TRMT13: variants seen among roughly 807,000 people sequenced by gnomAD.
TRMT13 encodes the protein tRNA methyltransferase 13.
Under a neutral mutation model 55.9 loss-of-function variants are expected in TRMT13, and 45 were observed. The ratio of observed to expected loss-of-function variants is 0.80; its 90% CI spans 0.63 to 1.03. The LOEUF is 1.03. Ranked by LOEUF, TRMT13 falls within the 50% of genes least tolerant of loss-of-function variation. The pLI is 0.00. For missense variants in TRMT13, 513 were observed against 563.9 expected (o/e 0.91, Z 0.91); for synonymous variants, 183 against 196.3 (o/e 0.93, Z 0.57).
chr1:100,148,338 C>T lies in TRMT13; in HGVS notation c.1250+12C>T, dbSNP rs78140331. The T allele has an allele frequency of 2.7e-4, 427 of 1,607,478 alleles. 6 individuals carry two copies. In the East Asian group the frequency reaches 9.5e-3, roughly 36 times the overall value. On this transcript the variant is annotated intron_variant, in intron 10 of 10. Transcript: ENST00000370141. ...GATTGTTTGCCTGGGTAAGAGACTA[C>T]TTTTGTAATGCATGATACTAAAGGA...
intron 8 of TRMT13, among the ~76,000 whole-genome samples, chr1:100,143,631 T>C (rs1014816826): frequency 2.0e-5 from 3 of 152,146 alleles, no homozygotes; most frequent in Admixed American, 2.0e-4. Context: ...TTTTAAATTG[T>C]ACAAAAGAAG....
At chr1:100,143,983 G>T in intron 8 of TRMT13, 86 bp from the exon 9 acceptor site, 1 of 1,132,750 alleles carries the variant, frequency 8.8e-7, no homozygotes, top group Admixed American at 2.1e-5. Context: ...CTAAAATTCA[G>T]AGACTCTAAT....
At position 100,147,990 on chromosome 1, in the gene TRMT13, A is replaced by G; in HGVS notation, c.914A>G (p.Glu305Gly). The G allele has an allele frequency of 1.2e-6, 2 of 1,614,180 alleles. No individual in the cohort carries two copies. Among genetic ancestry groups the G allele is most frequent in the Non-Finnish European group, 1.7e-6 (2 of 1,180,036 alleles). Residue 305 changes from glutamate to glycine, a missense_variant, in exon 10 of 11, where the codon GAA becomes GGA. This residue lies in a region of TRMT13 where 209 missense variants were observed against 255.8 expected (regional missense o/e 0.82). Coordinates refer to ENST00000370141, the MANE Select transcript of TRMT13 (RefSeq NM_019083.3). ...LAKRIKNDKT[E>G]KEIYTLAKEG... ...AAACGCATAAAGAATGATAAAACAG[A>G]AAAAGAAATTTACACTTTGGCCAAG...
chr1:100,137,386 G>A (rs1283954254), intron 3 of TRMT13, among the ~76,000 whole-genome samples: 7 of 151,876 alleles, frequency 4.6e-5, no homozygotes, highest in Non-Finnish European at 1.0e-4. Flanking sequence ...TTATAGAGAC[G>A]GGGTTCTCGC....
At chr1:100,144,026 G>T (rs1438788388) in intron 8 of TRMT13, 43 bp from the exon 9 acceptor site, 1 of 1,511,054 alleles carries the variant, frequency 6.6e-7, no homozygotes, top group Non-Finnish European at 9.2e-7. Context: ...ACATTAATAT[G>T]TACTTTATTT....
chr1:100,147,852 A>C (rs764636752), intron 9 of TRMT13, 42 bp from the exon 10 acceptor site: 1 of 1,515,926 alleles, frequency 6.6e-7, no homozygotes, highest in Admixed American at 2.2e-5. Context: ...TTTATTTTTA[A>C]AGATGATGTG....
chr1:100,142,053 T>C (rs1029115340), intron 7 of TRMT13, among the ~76,000 whole-genome samples: 5 of 152,176 alleles, frequency 3.3e-5, no homozygotes, highest in Non-Finnish European at 7.4e-5. Context: ...GGGGATACAA[T>C]AGAAAAAAGA....
At position 100,136,528 on chromosome 1, in the gene TRMT13, T is replaced by A. The variant is rs997156823; in HGVS notation, c.148-354T>A. Among the ~76,000 whole-genome samples, 4 of 152,328 alleles carry A rather than the reference T, an allele frequency of 2.6e-5. No individual in the cohort carries two copies. In the East Asian group the frequency reaches 7.7e-4, roughly 29 times the overall value. ...ATAAATATATACAACTATTTGTCAA[T>A]TAACATGAAATAGGCAGCATTTTTT... On this transcript the variant is annotated intron_variant, in intron 1 of 10. Coordinates refer to ENST00000370141, the MANE Select transcript of TRMT13 (RefSeq NM_019083.3).
Position 100,142,945 on chromosome 1 carries a change from T to C in TRMT13, c.670-192T>C, listed in dbSNP as rs41301086. 1,885 of 548,748 alleles carry C rather than the reference T, an allele frequency of 3.4e-3. 5 individuals carry two copies. The highest frequency in any genetic ancestry group is 5.1e-3 in the Non-Finnish European group (1,598 of 312,796). The allele number at this position is 548,748 out of a possible 1,614,324, so 34.0% of individuals were successfully genotyped here. ...GTTAAAGGAAATAATGTCTATGTAA[T>C]AATTGATAAACATTTTCAAATCTTT... is the stretch of plus-strand genomic sequence containing the variant. On this transcript the variant is annotated intron_variant, in intron 7 of 10. Transcript: ENST00000370141.
At chr1:100,137,439 A>T (rs1199539479) in intron 3 of TRMT13, among the ~76,000 whole-genome samples, 1 of 151,954 alleles carries the variant, frequency 6.6e-6, no homozygotes, top group African/African-American at 2.4e-5. Flanking sequence ...GTCAAGCAGT[A>T]CTCCTGCCTC....
At position 100,149,185 on chromosome 1, in the gene TRMT13, A is replaced by G; in HGVS notation, c.*365A>G. 1.3e-6 allele frequency: 2 copies of G among 1,521,086 alleles called. No homozygotes were observed. Among genetic ancestry groups the G allele is most frequent in the East Asian group, 2.5e-5 (1 of 40,790 alleles). 94.2% of individuals were successfully genotyped at this position (1,521,086 alleles called of 1,614,324 possible). A position where few individuals can be genotyped will look rare whatever the true frequency, so the allele number is the denominator to read the frequency against. ...ATTTATCTTCCTTTGATTTTATTTA[A>G]TATTTTTTATTTCTTAAGTTCAAGA... On this transcript the variant is annotated 3_prime_UTR_variant, in exon 11 of 11. Coordinates refer to ENST00000370141, the MANE Select transcript of TRMT13 (RefSeq NM_019083.3).
intron 1 of TRMT13, among the ~76,000 whole-genome samples, chr1:100,134,084 AAT>A: frequency 6.6e-6 from 1 of 152,072 alleles, no homozygotes. Context: ...AAGAAAAAAA[AAT>A]TTTTTTCGAC....
intron 10 of TRMT13, 105 bp downstream of exon 10, chr1:100,148,431 C>T: frequency 7.8e-7 from 1 of 1,275,002 alleles, no homozygotes; most frequent in Non-Finnish European, 1.1e-6. Flanking sequence ...ATTTTATAAT[C>T]TAATTTTAGA....
At chr1:100,147,869 G>C (rs377433448) in intron 9 of TRMT13, 25 bp from the exon 10 acceptor site, 8 of 1,556,650 alleles carry the variant, frequency 5.1e-6, no homozygotes. Flanking sequence ...TGTGGTTTGG[G>C]GGGGCCACAT....
In TRMT13 at chr1:100,143,224, T is replaced by C. The variant is rs775396068; in HGVS notation, c.742+15T>C. 2.0e-6 allele frequency: 3 copies of C among 1,535,834 alleles called. No individual in the cohort carries two copies. The highest frequency in any genetic ancestry group is 2.7e-5 in the African/African-American group (2 of 73,238). ...CTTGTGTTTGAGTAAGTTGTGTAAC[T>C]TTCCATTGGTCTACAAATAAATCAT... On this transcript the variant is annotated intron_variant, in intron 8 of 10. Coordinates refer to ENST00000370141, the MANE Select transcript of TRMT13 (RefSeq NM_019083.3).
At position 100,149,496 on chromosome 1, in the gene TRMT13, G is replaced by A; in HGVS notation, c.*676G>A. On this transcript the variant is annotated 3_prime_UTR_variant, in exon 11 of 11. Coordinates refer to ENST00000370141, the MANE Select transcript of TRMT13 (RefSeq NM_019083.3). Reference sequence around the variant, plus strand: ...ATTTTGTTGGATAATTGTCTAGTTAGAACTTCCAAAAAGATACTTACAAAC... The same window carrying A: ...ATTTTGTTGGATAATTGTCTAGTTAAAACTTCCAAAAAGATACTTACAAAC... 3 of 1,449,050 alleles carry A rather than the reference G, an allele frequency of 2.1e-6. No homozygotes were observed. Among genetic ancestry groups the A allele is most frequent in the Non-Finnish European group, 2.8e-6 (3 of 1,079,298 alleles). The allele number at this position is 1,449,050 out of a possible 1,614,324, so 89.8% of individuals were successfully genotyped here. A position where few individuals can be genotyped will look rare whatever the true frequency, so the allele number is the denominator to read the frequency against.
At chr1:100,139,887 C>T (rs1197532673) in intron 4 of TRMT13, among the ~76,000 whole-genome samples, 176 bp downstream of exon 4, 1 of 152,144 alleles carries the variant, frequency 6.6e-6, no homozygotes, top group East Asian at 1.9e-4. Context: ...AGCTCATGCC[C>T]CATAACAAAA....
chr1:100,149,034 G>T lies in TRMT13; in HGVS notation c.*214G>T. 2 of 1,570,714 alleles carry T rather than the reference G, an allele frequency of 1.3e-6. No individual in the cohort carries two copies. Among genetic ancestry groups the T allele is most frequent in the South Asian group, 1.2e-5 (1 of 81,606 alleles). ...GTAATCCTCTTTAGAAGGGCATCTT[G>T]AATTATATTATCCATCCGTATTTAT... On this transcript the variant is annotated 3_prime_UTR_variant, in exon 11 of 11. Coordinates refer to ENST00000370141, the MANE Select transcript of TRMT13 (RefSeq NM_019083.3).
In TRMT13 at chr1:100,133,236, T is replaced by C. The variant is rs1570720331; in HGVS notation, c.68T>C (p.Val23Ala). 2 of 1,613,930 alleles carry C rather than the reference T, an allele frequency of 1.2e-6. No individual in the cohort carries two copies. The highest frequency in any genetic ancestry group is 1.3e-5 in the African/African-American group (1 of 74,884). The change falls in exon 1 of 11, where the codon GTG (valine) becomes GCG (alanine). Residue 23 changes from valine (V) to alanine (A), a missense_variant. By Grantham distance (64) the Val-to-Ala change is moderately conservative. This residue lies in a region of TRMT13 where 298 missense variants were observed against 290.3 expected (regional missense o/e 1.03). Coordinates refer to ENST00000370141, the MANE Select transcript of TRMT13 (RefSeq NM_019083.3). ...FPAEGRCGYYVEKKKRFCRMV... is the reference protein window; with the variant it reads ...FPAEGRCGYYAEKKKRFCRMV... ...GCTGAGGGTAGATGCGGTTACTATG[T>C]GGAAAAGAAGAAACGGTTCTGCAGG... is the stretch of plus-strand genomic sequence containing the variant.
Sources: gnomAD v4.1 joint callset for allele counts (sites outside exome capture counted in the v4.1 genomes callset) on GRCh38, gnomAD v4.1.1 for gene constraint, gnomAD v4.1.1 regional missense constraint, MANE v1.5 for transcripts, NCBI Gene and HGNC (gene_info 2026-07-23, HGNC 2026-07-21) for gene names.